Variants in DPP6 observed in about 807,000 individuals in gnomAD.
The protein encoded by DPP6 is A-type potassium channel modulatory protein DPP6.
A neutral mutation model predicts 122.6 loss-of-function variants in DPP6; 69 were observed. That is an observed-to-expected ratio of 0.56 (90% confidence interval 0.46 to 0.69). The LOEUF (loss-of-function observed/expected upper bound fraction) is 0.69, where lower values mean the gene tolerates loss of function less well. DPP6 is among the 30% of genes least tolerant of loss of function. The pLI is 0.00. For synonymous variants in DPP6, 418 were observed against 433.1 expected, an observed-to-expected ratio of 0.97 and a Z score of 0.43; for missense variants, 928 against 1,116.9, an observed-to-expected ratio of 0.83 and a Z score of 2.41.
chr7:154,731,970 C>A (rs1327227024), intron 8 of DPP6, among the ~76,000 whole-genome samples: 1 of 152,114 alleles, frequency 6.6e-6, no homozygotes, highest in Non-Finnish European at 1.5e-5. Context: ...TTCTTTGTTA[C>A]CGCCATTACA....
chr7:154,236,269 A>G (rs184275401), intron 1 of DPP6, among the ~76,000 whole-genome samples: 23 of 152,318 alleles, frequency 1.5e-4, no homozygotes, highest in Non-Finnish European at 2.8e-4. Context: ...GTACATTTTA[A>G]ACACCCTTAA....
the DPP6 span, among the ~76,000 whole-genome samples, chr7:153,784,089 A>G: frequency 6.6e-6 from 1 of 152,216 alleles, no homozygotes; most frequent in Non-Finnish European, 1.5e-5. Context: ...ACAATATAAG[A>G]TAATACAATT....
At chr7:154,455,124 C>G (rs903866775) in intron 2 of DPP6, among the ~76,000 whole-genome samples, 37 of 152,172 alleles carry the variant, frequency 2.4e-4, no homozygotes, top group African/African-American at 8.0e-4. Flanking sequence ...ATGCTTCACT[C>G]GCCCACACGC....
At chr7:154,800,453 A>G (rs1026236644) in intron 12 of DPP6, among the ~76,000 whole-genome samples, 2 of 152,238 alleles carry the variant, frequency 1.3e-5, no homozygotes, top group African/African-American at 4.8e-5. Flanking sequence ...GGAAACTTTC[A>G]AACTTGGGCT....
At chr7:154,333,826 T>C (rs1217499129) in intron 1 of DPP6, among the ~76,000 whole-genome samples, 1 of 152,208 alleles carries the variant, frequency 6.6e-6, no homozygotes, top group African/African-American at 2.4e-5. Flanking sequence ...CAGCCATTGG[T>C]ATTGCATTAT....
chr7:153,970,284 A>G (rs1054816132), intron 1 of DPP6, among the ~76,000 whole-genome samples: 8 of 152,140 alleles, frequency 5.3e-5, no homozygotes, highest in Non-Finnish European at 1.0e-4. Context: ...TTGTGTATTT[A>G]TTTGCCACCT....
chr7:153,800,926 C>T, the DPP6 span, among the ~76,000 whole-genome samples: 98 of 152,280 alleles, frequency 6.4e-4, no homozygotes, highest in African/African-American at 2.3e-3. Context: ...TGCTAATTAC[C>T]CTGATTTGAT....
Position 154,294,582 on chromosome 7 carries a change from G to T in DPP6, c.244-151632G>T, listed in dbSNP as rs558145658. Among the ~76,000 whole-genome samples, 5 of 152,210 alleles carry T rather than the reference G, an allele frequency of 3.3e-5. No individual in the cohort carries two copies. In the East Asian group the frequency reaches 9.7e-4, roughly 29 times the overall value. On this transcript the variant is annotated intron_variant, in intron 1 of 25. Transcript: ENST00000377770. ...AAGTATGGGCACGTGAAGGTTTGGGGGATATTTTACATAAGACATTCTCCT... is the reference window on the plus strand; with the variant it reads ...AAGTATGGGCACGTGAAGGTTTGGGTGATATTTTACATAAGACATTCTCCT...
At chr7:154,207,952 C>CAA (rs199673849) in intron 1 of DPP6, among the ~76,000 whole-genome samples, 32 of 114,020 alleles carry the variant, frequency 2.8e-4, no homozygotes, top group African/African-American at 5.3e-4. Context: ...GAGACTGCCT[C>CAA]AAAAAAAAAA....
chr7:154,750,903 C>T (rs975097332), intron 8 of DPP6, among the ~76,000 whole-genome samples: 8 of 152,094 alleles, frequency 5.3e-5, no homozygotes, highest in African/African-American at 1.9e-4. Context: ...GAGGGCTGCA[C>T]AGGCGCTGAG....
intron 1 of DPP6, among the ~76,000 whole-genome samples, chr7:154,349,730 G>A (rs1386309979): frequency 6.6e-6 from 1 of 152,154 alleles, no homozygotes; most frequent in Non-Finnish European, 1.5e-5. Context: ...TAAGTGTGCA[G>A]CACATCCAAA....
At chr7:153,786,356 A>G in the DPP6 span, among the ~76,000 whole-genome samples, 2 of 150,584 alleles carry the variant, frequency 1.3e-5, no homozygotes, top group East Asian at 3.9e-4. Context: ...AAGCATGCAA[A>G]TAACATAAAT....
At chr7:154,679,174 C>T (rs578199955) in intron 7 of DPP6, among the ~76,000 whole-genome samples, 52 of 152,252 alleles carry the variant, frequency 3.4e-4, no homozygotes, top group African/African-American at 1.2e-3. Flanking sequence ...CACAGTGTAC[C>T]TGTGTGGACT....
chr7:154,799,447 C>A (rs571465467), intron 12 of DPP6, among the ~76,000 whole-genome samples: 1 of 152,332 alleles, frequency 6.6e-6, no homozygotes, highest in East Asian at 1.9e-4. Flanking sequence ...CCATGAGGAT[C>A]CTCTGCCAGA....
At chr7:153,786,870 T>TA in the DPP6 span, among the ~76,000 whole-genome samples, 1 of 146,098 alleles carries the variant, frequency 6.8e-6, no homozygotes, top group African/African-American at 2.5e-5. Flanking sequence ...GTCAGGGAAG[T>TA]AAAAAAATGG....
At chr7:153,947,761 G>A (rs1488918905) in intron 1 of DPP6, among the ~76,000 whole-genome samples, 3 of 152,124 alleles carry the variant, frequency 2.0e-5, no homozygotes, top group South Asian at 2.1e-4. Flanking sequence ...GCCTCCTCCC[G>A]GCTGCCTCTG....
chr7:154,439,708 A>G (rs191066496), intron 1 of DPP6, among the ~76,000 whole-genome samples: 2 of 152,348 alleles, frequency 1.3e-5, no homozygotes, highest in Admixed American at 6.5e-5. Context: ...AAGGATTGAT[A>G]GGGCAGAAGT....
At chr7:153,873,027 G>A in the DPP6 span, among the ~76,000 whole-genome samples, 3 of 152,226 alleles carry the variant, frequency 2.0e-5, no homozygotes, top group African/African-American at 4.8e-5. Flanking sequence ...TGCCCAGGCT[G>A]TACAAGTAGC....
chr7:153,848,194 CAA>C, the DPP6 span, among the ~76,000 whole-genome samples: 2 of 152,072 alleles, frequency 1.3e-5, no homozygotes, highest in African/African-American at 4.8e-5. Context: ...GATTTAATAA[CAA>C]AGGCTTTGAG....
Sources: gnomAD v4.1 joint callset for allele counts (sites outside exome capture counted in the v4.1 genomes callset) on GRCh38, gnomAD v4.1.1 for gene constraint, MANE v1.5 for transcripts, NCBI Gene and HGNC (gene_info 2026-07-23, HGNC 2026-07-21) for gene names.